Variants in LRRC8D observed in about 807,000 individuals in gnomAD.
The protein encoded by LRRC8D is leucine rich repeat containing 8 VRAC subunit D, also known as volume-regulated anion channel subunit LRRC8D.
LRRC8D carries 20 observed loss-of-function variants against 55.8 expected under a neutral mutation model. The observed-to-expected ratio is 0.36, with a 90% CI of 0.25 to 0.52. LRRC8D has a LOEUF of 0.52. LRRC8D is among the 20% of genes least tolerant of loss of function. The pLI, the probability that LRRC8D is intolerant of heterozygous loss-of-function variation, is 0.93. For synonymous variants in LRRC8D, 352 were observed against 377.0 expected, an observed-to-expected ratio of 0.93 and a Z score of 0.77; for missense variants, 651 against 1,030.8, an observed-to-expected ratio of 0.63 and a Z score of 5.05.
At chr1:89,927,806 T>C (rs1422482510) in intron 2 of LRRC8D, among the ~76,000 whole-genome samples, 2 of 152,198 alleles carry the variant, frequency 1.3e-5, no homozygotes, top group Non-Finnish European at 2.9e-5. Flanking sequence ...AAACTAAACT[T>C]TTGTACATTC....
At chr1:89,852,783 A>T (rs542867085) in intron 2 of LRRC8D, among the ~76,000 whole-genome samples, 1 of 152,290 alleles carries the variant, frequency 6.6e-6, no homozygotes, top group East Asian at 1.9e-4. Flanking sequence ...GACTGAGGAA[A>T]CAGCCCAGGT....
intron 2 of LRRC8D, among the ~76,000 whole-genome samples, chr1:89,899,243 C>A (rs893966364): frequency 6.6e-6 from 1 of 152,220 alleles, no homozygotes; most frequent in African/African-American, 2.4e-5. Flanking sequence ...GTGCTGAAAA[C>A]CACTTTCTTT....
intron 2 of LRRC8D, among the ~76,000 whole-genome samples, chr1:89,863,760 T>C (rs529085481): frequency 6.6e-6 from 1 of 152,348 alleles, no homozygotes; most frequent in Non-Finnish European, 1.5e-5. Context: ...TTAAACTAAT[T>C]CCAGTTGCTC....
intron 2 of LRRC8D, among the ~76,000 whole-genome samples, chr1:89,901,218 G>T (rs1662841691): frequency 6.6e-6 from 1 of 152,178 alleles, no homozygotes. Flanking sequence ...TCACCTGTTT[G>T]TCTGAGCTCT....
rs1014036900 is a variant in LRRC8D, at chr1:89,912,849, A to C, written c.-2-20218A>C. Among the ~76,000 whole-genome samples, 4 of 152,258 alleles carry C rather than the reference A, an allele frequency of 2.6e-5. No individual in the cohort carries two copies. The East Asian group carries it at 7.7e-4, about 29-fold the overall frequency. ...TATAAACAAGGATGAATTATAAAAT[A>C]AGTCTGTCCAAATCTATTTCTAGAT... is the stretch of plus-strand genomic sequence containing the variant. On this transcript the variant is annotated intron_variant, in intron 2 of 2. Coordinates refer to ENST00000337338, the MANE Select transcript of LRRC8D (RefSeq NM_001134479.2).
intron 2 of LRRC8D, among the ~76,000 whole-genome samples, chr1:89,895,379 A>G (rs1316946231): frequency 6.6e-6 from 1 of 152,234 alleles, no homozygotes; most frequent in Admixed American, 6.5e-5. Flanking sequence ...AATGGCTCAG[A>G]AAAATTCCCA....
At chr1:89,863,769 T>A (rs184748991) in intron 2 of LRRC8D, among the ~76,000 whole-genome samples, 1 of 152,384 alleles carries the variant, frequency 6.6e-6, no homozygotes, top group Admixed American at 6.5e-5. Flanking sequence ...TTCCAGTTGC[T>A]CTGACCCTTT....
chr1:89,900,814 G>A (rs1003415009), intron 2 of LRRC8D, among the ~76,000 whole-genome samples: 1 of 152,156 alleles, frequency 6.6e-6, no homozygotes, highest in African/African-American at 2.4e-5. Context: ...GTCTCCATTG[G>A]TTTATGTGTC....
chr1:89,832,583 A>G (rs891913531), intron 1 of LRRC8D, among the ~76,000 whole-genome samples: 2 of 152,094 alleles, frequency 1.3e-5, no homozygotes, highest in Non-Finnish European at 2.9e-5. Context: ...CCTTATGGAA[A>G]CCATTTGTAG....
intron 2 of LRRC8D, among the ~76,000 whole-genome samples, chr1:89,856,260 A>G (rs1245722946): frequency 6.6e-6 from 1 of 152,176 alleles, no homozygotes; most frequent in East Asian, 1.9e-4. Flanking sequence ...CTATGCTAGT[A>G]GCAAAAGTTT....
intron 2 of LRRC8D, among the ~76,000 whole-genome samples, chr1:89,916,913 T>A (rs1663286429): frequency 6.6e-6 from 1 of 152,210 alleles, no homozygotes; most frequent in African/African-American, 2.4e-5. Flanking sequence ...ATGTACCTTG[T>A]CACAGTGGGG....
At chr1:89,875,169 G>A (rs1662117144) in intron 2 of LRRC8D, among the ~76,000 whole-genome samples, 1 of 152,146 alleles carries the variant, frequency 6.6e-6, no homozygotes, top group Non-Finnish European at 1.5e-5. Flanking sequence ...GGAATTGATT[G>A]AAAATACAAA....
chr1:89,828,454 G>T lies in LRRC8D; in HGVS notation c.-148+7163G>T, dbSNP rs72714291. Among the ~76,000 whole-genome samples the T allele has an allele frequency of 8.8e-3, 1,342 of 152,296 alleles. 8 individuals carry two copies. Among genetic ancestry groups the T allele is most frequent in the Non-Finnish European group, 0.014 (967 of 68,028 alleles). ...AAGTTTATTCAATTATAAGAGTCTGGTTTTTTGTTTTGTTTTTGTTTTGTT... is the reference window on the plus strand; with the variant it reads ...AAGTTTATTCAATTATAAGAGTCTGTTTTTTTGTTTTGTTTTTGTTTTGTT... On this transcript the variant is annotated intron_variant, in intron 1 of 2. Transcript: ENST00000337338.
At chr1:89,863,938 G>C (rs1661782932) in intron 2 of LRRC8D, among the ~76,000 whole-genome samples, 1 of 152,180 alleles carries the variant, frequency 6.6e-6, no homozygotes, top group Non-Finnish European at 1.5e-5. Flanking sequence ...AATTCTGCCA[G>C]GTGCATTGGT....
At chr1:89,914,475 C>T (rs543476332) in intron 2 of LRRC8D, among the ~76,000 whole-genome samples, 1 of 152,308 alleles carries the variant, frequency 6.6e-6, no homozygotes, top group South Asian at 2.1e-4. Flanking sequence ...GAGGAGGTGC[C>T]GAGAGCAAGC....
At chr1:89,892,998 T>C (rs1171627667) in intron 2 of LRRC8D, among the ~76,000 whole-genome samples, 1 of 152,234 alleles carries the variant, frequency 6.6e-6, no homozygotes, top group Non-Finnish European at 1.5e-5. Context: ...AAACAGATAA[T>C]CTATAAACAT....
In LRRC8D at chr1:89,843,541, C is replaced by A. The variant is rs894985309; in HGVS notation, c.-147-97C>A. On this transcript the variant is annotated intron_variant, in intron 1 of 2. Transcript: ENST00000337338. ...CCATGGCAGTTATGCAAGCGGTGAC[C>A]CCCTGGTCTTGCCTCCCCGCCGCCC... 11 of 679,238 alleles carry A rather than the reference C, an allele frequency of 1.6e-5. No individual in the cohort carries two copies. In the African/African-American group the frequency reaches 1.8e-4, roughly 11 times the overall value. The allele number at this position is 679,238 out of a possible 1,614,324, so 42.1% of individuals were successfully genotyped here.
intron 2 of LRRC8D, among the ~76,000 whole-genome samples, chr1:89,917,837 C>T (rs1157619685): frequency 1.3e-5 from 2 of 152,122 alleles, no homozygotes; most frequent in East Asian, 3.9e-4. Flanking sequence ...AGGGTCCTGA[C>T]CCTTAACCTT....
At chr1:89,874,482 G>A (rs1050692454) in intron 2 of LRRC8D, among the ~76,000 whole-genome samples, 5 of 142,480 alleles carry the variant, frequency 3.5e-5, no homozygotes, top group Admixed American at 7.0e-5. Flanking sequence ...TGTGTGTGTG[G>A]TAAGTGGGGC....
Sources: gnomAD v4.1 joint callset for allele counts (sites outside exome capture counted in the v4.1 genomes callset) on GRCh38, gnomAD v4.1.1 for gene constraint, MANE v1.5 for transcripts, NCBI Gene and HGNC (gene_info 2026-07-23, HGNC 2026-07-21) for gene names.